Variants in ATXN7 observed in about 807,000 individuals in gnomAD.
ATXN7 encodes ataxin-7.
A neutral mutation model predicts 70.5 loss-of-function variants in ATXN7; 12 were observed. The ratio of observed to expected loss-of-function variants is 0.17; its 90% confidence interval spans 0.11 to 0.28. The LOEUF (loss-of-function observed/expected upper bound fraction) is 0.28, where lower values mean the gene tolerates loss of function less well. Ranked by LOEUF, ATXN7 falls within the 10% of genes least tolerant of loss-of-function variation. The probability of loss-of-function intolerance (pLI) is 1.00; values close to 1 mark genes in which losing one functional copy is unlikely to be tolerated. For synonymous variants in ATXN7, 498 were observed against 448.7 expected (o/e 1.11, Z -1.39); for missense variants, 1,256 against 1,131.7 (o/e 1.11, Z -1.58).
chr3:63,875,618 C>G (rs1198450972), intron 1 of ATXN7, among the ~76,000 whole-genome samples: 1 of 152,162 alleles, frequency 6.6e-6, no homozygotes, highest in East Asian at 1.9e-4. Flanking sequence ...TGGAGCCCTT[C>G]GATCTGGCCT....
At chr3:63,963,862 TAG>T (rs1193364251) in intron 5 of ATXN7, among the ~76,000 whole-genome samples, 27 of 152,148 alleles carry the variant, frequency 1.8e-4, no homozygotes, top group Non-Finnish European at 8.8e-5. Context: ...TTCTGTGGGA[TAG>T]AGTCTCAGGA....
At position 63,905,660 on chromosome 3, in the gene ATXN7, G is replaced by A. The variant is rs536748056; in HGVS notation, c.-11-6928G>A. 3 of 152,296 alleles carry A rather than the reference G, an allele frequency of 2.0e-5. No homozygotes were observed. In the South Asian group the frequency reaches 6.2e-4, roughly 32 times the overall value. 9.4% of individuals were successfully genotyped at this position (152,296 alleles called of 1,614,324 possible). On this transcript the variant is annotated intron_variant, in intron 2 of 12. Transcript: ENST00000674280. ...AATACCGGTTTTCTGAAGAGATGGA[G>A]CAAGCTCTGGAAGGCAGGAAAGGCA...
intron 1 of ATXN7, among the ~76,000 whole-genome samples, chr3:63,893,710 C>T (rs1478605628): frequency 6.6e-6 from 1 of 152,208 alleles, no homozygotes; most frequent in Non-Finnish European, 1.5e-5. Context: ...GCCTTGGCTC[C>T]CTCTCCACTT....
chr3:63,912,984 C>A, intron 3 of ATXN7, 61 bp downstream of exon 3: 1 of 1,378,724 alleles, frequency 7.3e-7, no homozygotes, highest in Non-Finnish European at 9.8e-7. Context: ...CTCTCCTCCC[C>A]TCCCCCCTGC....
intron 5 of ATXN7, among the ~76,000 whole-genome samples, chr3:63,964,558 C>T (rs755293413): frequency 6.6e-6 from 1 of 152,144 alleles, no homozygotes; most frequent in East Asian, 1.9e-4. Context: ...ATTTTATTTG[C>T]CTGCCTTACA....
At chr3:63,896,344 A>C (rs1277321550) in intron 1 of ATXN7, among the ~76,000 whole-genome samples, 1 of 152,244 alleles carries the variant, frequency 6.6e-6, no homozygotes, top group Admixed American at 6.5e-5. Flanking sequence ...GCATGAATAA[A>C]AGGTATCAAG....
chr3:63,910,579 A>G (rs979898759), intron 2 of ATXN7, among the ~76,000 whole-genome samples: 1 of 152,186 alleles, frequency 6.6e-6, no homozygotes, highest in Non-Finnish European at 1.5e-5. Context: ...TAAAAGTTAG[A>G]AGGGAACTCT....
chr3:63,988,862 A>C (rs2075620122), intron 9 of ATXN7, among the ~76,000 whole-genome samples: 1 of 152,242 alleles, frequency 6.6e-6, no homozygotes, highest in Non-Finnish European at 1.5e-5. Flanking sequence ...CACATACCTC[A>C]GAGACAGTGA....
intron 11 of ATXN7, among the ~76,000 whole-genome samples, chr3:63,992,362 G>A (rs971946712): frequency 6.6e-6 from 1 of 152,180 alleles, no homozygotes; most frequent in Non-Finnish European, 1.5e-5. Flanking sequence ...CACAGAATCA[G>A]GGGACTGGGT....
intron 4 of ATXN7, among the ~76,000 whole-genome samples, chr3:63,929,457 G>A (rs967168576): frequency 1.3e-5 from 2 of 151,994 alleles, no homozygotes; most frequent in Non-Finnish European, 2.9e-5. Context: ...ATTTTTAGTA[G>A]AGACCGGGTT....
chr3:63,918,078 A>G (rs991470221), intron 4 of ATXN7, among the ~76,000 whole-genome samples: 1 of 152,320 alleles, frequency 6.6e-6, no homozygotes, highest in Middle Eastern at 3.4e-3. Flanking sequence ...TCCACACTTG[A>G]TGACAGGTTA....
At chr3:63,996,617 TAAAAAAAAAA>T in intron 12 of ATXN7, 134 bp downstream of exon 12, 4 of 201,460 alleles carry the variant, frequency 2.0e-5, no homozygotes, top group Non-Finnish European at 9.0e-6. Flanking sequence ...GGTGTCTTCT[TAAAAAAAAAA>T]AAAAAAAAAA....
At chr3:63,944,873 C>T (rs1428886403) in intron 4 of ATXN7, among the ~76,000 whole-genome samples, 1 of 152,098 alleles carries the variant, frequency 6.6e-6, no homozygotes, top group Admixed American at 6.5e-5. Flanking sequence ...CTCACTGCAA[C>T]CTTTGCCTCC....
At chr3:63,933,367 ATGT>A (rs750624171) in intron 4 of ATXN7, among the ~76,000 whole-genome samples, 5 of 152,164 alleles carry the variant, frequency 3.3e-5, no homozygotes, top group African/African-American at 4.8e-5. Context: ...AAAGTAGTCA[ATGT>A]TGTTGTTAAA....
At position 64,003,176 on chromosome 3, in the gene ATXN7, TGTGA is replaced by T. The variant is rs901637278; in HGVS notation, c.*3710_*3713del. On this transcript the variant is annotated 3_prime_UTR_variant, in exon 13 of 13. Transcript: ENST00000674280. ...TTAAATGAGCACTACATACTGTCAG[TGTGA>T]ATGTAGGGCCTTGAAAGCATTTTGC... The T allele has an allele frequency of 1.3e-5, 2 of 151,218 alleles. No individual in the cohort carries two copies. The highest frequency in any genetic ancestry group is 4.9e-5 in the African/African-American group (2 of 41,182). 9.4% of individuals were successfully genotyped at this position (151,218 alleles called of 1,614,324 possible). A position where few individuals can be genotyped will look rare whatever the true frequency, so the allele number is the denominator to read the frequency against.
chr3:63,952,739 A>G (rs1338590913), intron 5 of ATXN7, among the ~76,000 whole-genome samples: 2 of 151,434 alleles, frequency 1.3e-5, no homozygotes, highest in Non-Finnish European at 2.9e-5. Flanking sequence ...AAAATGTTGC[A>G]TCAGTATAAT....
chr3:63,912,357 C>A (rs1704058155), intron 2 of ATXN7, among the ~76,000 whole-genome samples: 2 of 151,630 alleles, frequency 1.3e-5, no homozygotes, highest in Admixed American at 1.3e-4. Context: ...CCGTCCCCTC[C>A]CTCGGGCGGC....
chr3:63,989,120 G>A (rs557069578), intron 9 of ATXN7, among the ~76,000 whole-genome samples: 104 of 152,248 alleles, frequency 6.8e-4, no homozygotes, highest in Non-Finnish European at 1.2e-3. Context: ...CATCTCCCTC[G>A]TGGAAACCCA....
chr3:63,940,589 T>C (rs1356296836), intron 4 of ATXN7, among the ~76,000 whole-genome samples: 1 of 152,216 alleles, frequency 6.6e-6, no homozygotes, highest in Non-Finnish European at 1.5e-5. Context: ...CACTGTTCTT[T>C]ATCGAGCCCT....
Sources: allele counts gnomAD v4.1 joint callset (sites outside exome capture counted in the v4.1 genomes callset), GRCh38; gene constraint gnomAD v4.1.1; transcripts MANE v1.5; gene names NCBI Gene and HGNC (gene_info 2026-07-23, HGNC 2026-07-21).